Variants in CEP63 observed in about 807,000 individuals in gnomAD.
CEP63 encodes centrosomal protein of 63 kDa.
CEP63 carries 84 observed loss-of-function variants against 89.1 expected under a neutral mutation model. The observed-to-expected ratio is 0.94, with a 90% CI of 0.79 to 1.13. CEP63 has a LOEUF of 1.13. Ranked by LOEUF, CEP63 falls within the 50% of genes most tolerant of loss-of-function variation. The pLI, the probability that CEP63 is intolerant of heterozygous loss-of-function variation, is 0.00. For synonymous variants in CEP63, 267 were observed against 272.5 expected (o/e 0.98, Z 0.20); for missense variants, 838 against 813.3 (o/e 1.03, Z -0.37).
chr3:134,680,180 T>G, the CEP63 span, among the ~76,000 whole-genome samples: 1 of 152,104 alleles, frequency 6.6e-6, no homozygotes. Flanking sequence ...ATCTTGGACT[T>G]TTAGCCTCCA....
At chr3:134,749,850 C>A in the CEP63 span, among the ~76,000 whole-genome samples, 1 of 147,858 alleles carries the variant, frequency 6.8e-6, no homozygotes, top group Admixed American at 6.8e-5. Flanking sequence ...AGGAATGGAG[C>A]AAGCAGGACA....
the CEP63 span, among the ~76,000 whole-genome samples, chr3:134,766,458 A>T: frequency 6.6e-6 from 1 of 152,240 alleles, no homozygotes; most frequent in Admixed American, 6.5e-5. Flanking sequence ...CTGGGACAGC[A>T]GCTCATGGCC....
In CEP63 at chr3:134,571,634, TCG is replaced by T. The variant is rs1577495599; in HGVS notation, c.1330-3158_1330-3157del. Among the ~76,000 whole-genome samples the T allele has an allele frequency of 3.3e-5, 5 of 152,086 alleles. No homozygotes were observed. In the East Asian group the frequency reaches 9.7e-4, roughly 29 times the overall value. On this transcript the variant is annotated intron_variant, in intron 11 of 11. Transcript: ENST00000354446. ...AGGCGGAGCTTGCAGTGAGCTGAGA[TCG>T]TGCCACTGCACTCCAGCCTGGGCAA...
chr3:134,609,950 G>T, the CEP63 span, among the ~76,000 whole-genome samples: 2 of 152,194 alleles, frequency 1.3e-5, no homozygotes, highest in Non-Finnish European at 2.9e-5. Flanking sequence ...TCAGTGCTTT[G>T]GTGGAGGGAG....
chr3:134,626,655 G>A, the CEP63 span, among the ~76,000 whole-genome samples: 1 of 152,216 alleles, frequency 6.6e-6, no homozygotes, highest in African/African-American at 2.4e-5. Flanking sequence ...GTGGGGAGGG[G>A]TGTGTGTCAC....
At chr3:134,582,137 T>G (rs1251924275) in intron 10 of CEP63, among the ~76,000 whole-genome samples, 1 of 149,666 alleles carries the variant, frequency 6.7e-6, no homozygotes, top group Non-Finnish European at 1.5e-5. Context: ...GGAAAAAAAC[T>G]GGCAGAAATA....
chr3:134,663,593 T>A, the CEP63 span, among the ~76,000 whole-genome samples: 1 of 152,208 alleles, frequency 6.6e-6, no homozygotes, highest in Non-Finnish European at 1.5e-5. Context: ...CTCAGAAACC[T>A]ACTTGGCTTT....
At chr3:134,568,303 G>C (rs1332200843), downstream of CEP63, among the ~76,000 whole-genome samples, 1 of 152,112 alleles carries the variant, frequency 6.6e-6, no homozygotes, top group Non-Finnish European at 1.5e-5. Context: ...ACTTTTCTGC[G>C]ACCTAGGACA....
the CEP63 span, among the ~76,000 whole-genome samples, chr3:134,677,250 CT>C: frequency 2.0e-5 from 3 of 152,156 alleles, no homozygotes; most frequent in Non-Finnish European, 4.4e-5. Flanking sequence ...CAGAGAGAGA[CT>C]CCATCTCAAA....
chr3:134,597,754 T>C, the CEP63 span: 1 of 152,464 alleles, frequency 6.6e-6, no homozygotes, highest in Non-Finnish European at 1.5e-5. Flanking sequence ...TTGTCTGAGC[T>C]TCTCTCTGAC....
At position 134,561,379 on chromosome 3, in the gene CEP63, T is replaced by G. The variant is rs1415767488; in HGVS notation, c.1956T>G (p.Cys652Trp). 1 of 1,613,602 alleles carries G rather than the reference T, an allele frequency of 6.2e-7. No individual in the cohort carries two copies. Among genetic ancestry groups the G allele is most frequent in the African/African-American group, 1.3e-5 (1 of 74,920 alleles). Reference sequence around the variant, plus strand: ...GTCAAAATTTGTGTCTCTTCCAGTGTTCCTTGCCTGTATCTCCCCTTGGTT... The same window carrying G: ...GTCAAAATTTGTGTCTCTTCCAGTGGTCCTTGCCTGTATCTCCCCTTGGTT... ...MNDQEEFISS[C>W]SLPVSPLGSI... The change falls in exon 15 of 15, where the codon TGT becomes TGG. Residue 652 changes from cysteine (C) to tryptophan (W), a missense_variant and splice_region_variant. By Grantham distance (215) the Cys-to-Trp change is radical. Coordinates refer to ENST00000675561, the MANE Select transcript of CEP63 (RefSeq NM_001353108.3).
chr3:134,504,176 G>C (rs9820425), intron 2 of CEP63, among the ~76,000 whole-genome samples: 102,578 of 150,510 alleles, frequency 0.68, 35,192 homozygotes, highest in East Asian at 0.82. Flanking sequence ...TCTCCTCCAC[G>C]AGTGAGTCTT....
chr3:134,521,535 C>T (rs1376608347), intron 3 of CEP63, among the ~76,000 whole-genome samples: 1 of 152,106 alleles, frequency 6.6e-6, no homozygotes, highest in East Asian at 1.9e-4. Flanking sequence ...CTTGTCTTTT[C>T]ACATTTTACA....
At chr3:134,617,335 C>A in the CEP63 span, among the ~76,000 whole-genome samples, 16 of 152,194 alleles carry the variant, frequency 1.1e-4, no homozygotes, top group African/African-American at 3.6e-4. Context: ...ATTCCACATT[C>A]CATTCCACAT....
chr3:134,607,060 A>T, the CEP63 span: 1 of 985,190 alleles, frequency 1.0e-6, no homozygotes, highest in African/African-American at 1.7e-5. Context: ...TCTGGTGTTT[A>T]TATTTTTATG....
At chr3:134,692,861 C>T in the CEP63 span, among the ~76,000 whole-genome samples, 1 of 152,202 alleles carries the variant, frequency 6.6e-6, no homozygotes, top group Non-Finnish European at 1.5e-5. Flanking sequence ...TAACACTCTT[C>T]TGGGTACATA....
the CEP63 span, among the ~76,000 whole-genome samples, chr3:134,772,735 G>A: frequency 6.6e-6 from 1 of 152,096 alleles, no homozygotes; most frequent in Non-Finnish European, 1.5e-5. Flanking sequence ...TTCCAAGATG[G>A]CCTTCAGGCT....
At chr3:134,486,312 G>C in intron 1 of CEP63, 110 bp downstream of exon 1, 1 of 985,548 alleles carries the variant, frequency 1.0e-6, no homozygotes. Context: ...GGCCCAGGCT[G>C]CCTTGGTGAT....
the CEP63 span, among the ~76,000 whole-genome samples, chr3:134,721,323 T>A: frequency 6.6e-6 from 1 of 152,166 alleles, no homozygotes; most frequent in Non-Finnish European, 1.5e-5. Context: ...ATATTGACCT[T>A]GTATTCTGCC....
Sources: gnomAD v4.1 joint callset for allele counts (sites outside exome capture counted in the v4.1 genomes callset) on GRCh38, gnomAD v4.1.1 for gene constraint, MANE v1.5 for transcripts, NCBI Gene and HGNC (gene_info 2026-07-23, HGNC 2026-07-21) for gene names.